Variants in SDK1 observed in about 807,000 individuals in gnomAD.
SDK1 encodes the protein protein sidekick-1.
Under a neutral mutation model 245.5 loss-of-function variants are expected in SDK1, and 157 were observed. That is an observed-to-expected ratio of 0.64 (90% CI 0.56 to 0.73). The LOEUF is 0.73. SDK1 is among the 30% of genes least tolerant of loss of function. The pLI, the probability that SDK1 is intolerant of heterozygous loss-of-function variation, is 0.00. For synonymous variants in SDK1, 1,647 were observed against 1,278.5 expected (o/e 1.29, Z -6.15); for missense variants, 3,583 against 3,002.3 (o/e 1.19, Z -4.52).
At chr7:4,174,639 C>T (rs560544084) in intron 33 of SDK1, among the ~76,000 whole-genome samples, 1 of 152,080 alleles carries the variant, frequency 6.6e-6, no homozygotes, top group African/African-American at 2.4e-5. Flanking sequence ...ACTCTACCGG[C>T]GTCAGTGGGG....
rs745836253 is a variant in SDK1 at position 4,221,469 on chromosome 7, C to G, written c.5827+105C>G. ...ACTTTCTCTTTCAGCATTTTCCCCC[C>G]ACAAAGCTGGGACCAAGAGGGCGGT... is the stretch of plus-strand genomic sequence containing the variant. On this transcript the variant is annotated intron_variant, in intron 40 of 44. Coordinates refer to ENST00000404826, the MANE Select transcript of SDK1 (RefSeq NM_152744.4). 6 of 1,395,354 alleles carry G rather than the reference C, an allele frequency of 4.3e-6. No individual in the cohort carries two copies. In the African/African-American group the frequency reaches 5.7e-5, roughly 13 times the overall value. The allele number at this position is 1,395,354 out of a possible 1,614,324, so 86.4% of individuals were successfully genotyped here. A position where few individuals can be genotyped will look rare whatever the true frequency, so the allele number is the denominator to read the frequency against.
intron 2 of SDK1, among the ~76,000 whole-genome samples, 197 bp from the exon 3 acceptor site, chr7:3,638,807 A>G (rs1464520085): frequency 6.6e-6 from 1 of 152,014 alleles, no homozygotes; most frequent in East Asian, 1.9e-4. Context: ...TAAAAAAAAA[A>G]AGAAATAAAT....
At chr7:3,638,662 A>T (rs1782546543) in intron 2 of SDK1, among the ~76,000 whole-genome samples, 2 of 149,090 alleles carry the variant, frequency 1.3e-5, no homozygotes, top group South Asian at 4.4e-4. Context: ...GAGGGATAGC[A>T]TTAGGAGATA....
chr7:3,570,171 C>T (rs1583177726), intron 1 of SDK1, among the ~76,000 whole-genome samples: 1 of 152,248 alleles, frequency 6.6e-6, no homozygotes, highest in African/African-American at 2.4e-5. Context: ...TTGACTCAAC[C>T]TTTTTGGCAT....
At chr7:3,477,258 C>T (rs1161161857) in intron 1 of SDK1, among the ~76,000 whole-genome samples, 1 of 133,616 alleles carries the variant, frequency 7.5e-6, no homozygotes, top group Middle Eastern at 5.1e-3. Context: ...TGCAGCGGCG[C>T]GATCTTGGCT....
At chr7:3,426,470 C>T (rs753033201) in intron 1 of SDK1, among the ~76,000 whole-genome samples, 1 of 152,196 alleles carries the variant, frequency 6.6e-6, no homozygotes, top group East Asian at 1.9e-4. Flanking sequence ...TTTCCCTTCT[C>T]TCTAAATGGT....
intron 4 of SDK1, among the ~76,000 whole-genome samples, chr7:3,714,938 T>C (rs1785156606): frequency 6.6e-6 from 1 of 152,232 alleles, no homozygotes; most frequent in Admixed American, 6.5e-5. Flanking sequence ...TGGGCTTAGA[T>C]TGATGGTAAT....
chr7:3,697,149 A>G lies in SDK1; in HGVS notation c.713+55044A>G, dbSNP rs575830889. On this transcript the variant is annotated intron_variant, in intron 4 of 44. Coordinates refer to ENST00000404826, the MANE Select transcript of SDK1 (RefSeq NM_152744.4). Reference sequence around the variant, plus strand: ...AAAGTAGGGGAAGTGAATGAAGTGAACATCAATGATCCCATGCTAGGTTTG... The same window carrying G: ...AAAGTAGGGGAAGTGAATGAAGTGAGCATCAATGATCCCATGCTAGGTTTG... Among the ~76,000 whole-genome samples, 428 of 152,338 alleles carry G rather than the reference A, an allele frequency of 2.8e-3. 1 individual carries two copies. Among genetic ancestry groups the G allele is most frequent in the Non-Finnish European group, 4.9e-3 (335 of 68,026 alleles).
At chr7:3,512,341 T>C (rs1214898212) in intron 1 of SDK1, among the ~76,000 whole-genome samples, 1 of 152,242 alleles carries the variant, frequency 6.6e-6, no homozygotes, top group Non-Finnish European at 1.5e-5. Context: ...TGTGTGGCTA[T>C]ATCAAAGTTT....
chr7:4,017,049 T>C, intron 16 of SDK1, 122 bp from the exon 17 acceptor site: 1 of 915,968 alleles, frequency 1.1e-6, no homozygotes, highest in Non-Finnish European at 1.6e-6. Flanking sequence ...AGGGCTGACC[T>C]CTCAGCTCTG....
intron 1 of SDK1, among the ~76,000 whole-genome samples, chr7:3,618,031 G>A (rs1042711544): frequency 6.6e-6 from 1 of 152,138 alleles, no homozygotes; most frequent in African/African-American, 2.4e-5. Flanking sequence ...GTAGAAAAAT[G>A]ACGAGTCATA....
At chr7:4,050,123 C>A (rs1789335297) in intron 18 of SDK1, among the ~76,000 whole-genome samples, 1 of 152,174 alleles carries the variant, frequency 6.6e-6, no homozygotes, top group Non-Finnish European at 1.5e-5. Flanking sequence ...ACAATAGGTC[C>A]ACTAATCGTC....
intron 1 of SDK1, among the ~76,000 whole-genome samples, chr7:3,543,759 G>A (rs1343782988): frequency 6.6e-6 from 1 of 152,186 alleles, no homozygotes; most frequent in Non-Finnish European, 1.5e-5. Context: ...TTCTATTGAT[G>A]TTCGTATGTT....
intron 17 of SDK1, among the ~76,000 whole-genome samples, chr7:4,022,996 G>A (rs571947464): frequency 2.6e-5 from 4 of 151,846 alleles, no homozygotes; most frequent in South Asian, 2.1e-4. Context: ...GGATGGTCTC[G>A]ATCTCCTGAC....
At chr7:3,962,997 A>G (rs1010892483) in intron 9 of SDK1, 146 bp downstream of exon 9, 3 of 555,050 alleles carry the variant, frequency 5.4e-6, no homozygotes, top group African/African-American at 2.8e-5. Flanking sequence ...ACTCAGCTCC[A>G]TGGCTACCTG....
At chr7:3,493,991 C>T (rs1192487527) in intron 1 of SDK1, among the ~76,000 whole-genome samples, 2 of 152,142 alleles carry the variant, frequency 1.3e-5, no homozygotes, top group African/African-American at 4.8e-5. Flanking sequence ...CCTGTATAGA[C>T]AGTTCATTGA....
intron 1 of SDK1, chr7:3,475,984 C>A (rs899540193): frequency 6.6e-6 from 1 of 152,604 alleles, no homozygotes; most frequent in African/African-American, 2.4e-5. Flanking sequence ...GTTTATACTT[C>A]CTGCTTATTA....
At chr7:3,676,606 T>A (rs1262133338) in intron 4 of SDK1, among the ~76,000 whole-genome samples, 1 of 152,132 alleles carries the variant, frequency 6.6e-6, no homozygotes, top group Non-Finnish European at 1.5e-5. Flanking sequence ...ATTACAGGCG[T>A]GAGCCACCAC....
chr7:3,396,502 C>T (rs1365105176), intron 1 of SDK1, among the ~76,000 whole-genome samples: 1 of 151,760 alleles, frequency 6.6e-6, no homozygotes. Flanking sequence ...TATTGTTTCT[C>T]TTTAATTTTG....
Sources: allele counts gnomAD v4.1 joint callset (sites outside exome capture counted in the v4.1 genomes callset), GRCh38; gene constraint gnomAD v4.1.1; transcripts MANE v1.5; gene names NCBI Gene and HGNC (gene_info 2026-07-23, HGNC 2026-07-21).